Variants in AARS2 observed in about 807,000 individuals in gnomAD.
The protein encoded by AARS2 is alanine--tRNA ligase, mitochondrial.
In AARS2, 78 loss-of-function variants were observed where a neutral mutation model predicts 119.7. The ratio of observed to expected loss-of-function variants is 0.65; its 90% CI spans 0.54 to 0.79. The LOEUF is 0.79. Ranked by LOEUF, AARS2 falls within the 30% of genes least tolerant of loss-of-function variation. The pLI is 0.00. For synonymous variants in AARS2, 502 were observed against 526.3 expected (o/e 0.95, Z 0.63); for missense variants, 1,157 against 1,291.3 (o/e 0.90, Z 1.59).
intron 16 of AARS2, 47 bp downstream of exon 16, chr6:44,303,018 GC>G (rs759449104): frequency 1.2e-6 from 2 of 1,609,492 alleles, no homozygotes; most frequent in East Asian, 4.5e-5. Context: ...CAAGGGAAGG[GC>G]AAGGATCCGG....
At chr6:44,310,968 C>T (rs1207987195) in intron 4 of AARS2, 26 bp downstream of exon 4, 1 of 1,613,624 alleles carries the variant, frequency 6.2e-7, no homozygotes, top group Admixed American at 1.7e-5. Flanking sequence ...GTCAGGGATT[C>T]TCATCCTGCT....
At chr6:44,312,495 A>G (rs2153357772) in intron 1 of AARS2, among the ~76,000 whole-genome samples, 1 of 152,318 alleles carries the variant, frequency 6.6e-6, no homozygotes, top group Middle Eastern at 3.4e-3. Flanking sequence ...CCCTCTGCCT[A>G]GTAAAATAGG....
Position 44,307,593 on chromosome 6 carries a change from C to T in AARS2, c.895-199G>A, listed in dbSNP as rs1236127954. ...CTCACGGGGCTCATATTTGGTGCTA[C>T]AAGTGAACATATCTGTGACCATTTA... On this transcript the variant is annotated intron_variant, in intron 5 of 21. Transcript: ENST00000244571. This position sits in a 1 kb window ranked among gnomAD's most constrained non-coding sequence, Gnocchi z 4.4. The T allele has an allele frequency of 1.4e-5, 9 of 649,594 alleles. No individual in the cohort carries two copies. The highest frequency in any genetic ancestry group is 1.9e-5 in the Non-Finnish European group (7 of 377,456). The allele number at this position is 649,594 out of a possible 1,614,324, so 40.2% of individuals were successfully genotyped here.
Position 44,304,330 on chromosome 6 carries a change from C to T in AARS2, c.1867-9G>A. ...CAGCCTAGACGCCAGGCCTGAAATA[C>T]TTTTGTCACCCAGCGTCCTGGGTGA... On this transcript the variant is annotated splice_polypyrimidine_tract_variant and intron_variant, in intron 13 of 21. Transcript: ENST00000244571. 7 of 1,614,168 alleles carry T rather than the reference C, an allele frequency of 4.3e-6. 1 individual carries two copies. The East Asian group carries it at 6.7e-5, about 15-fold the overall frequency.
Position 44,303,027 on chromosome 6 carries a change from C to T in AARS2, c.2255+39G>A, listed in dbSNP as rs79389653. 2,723 of 1,611,444 alleles carry T rather than the reference C, an allele frequency of 1.7e-3. 50 individuals carry two copies. The African/African-American group carries it at 0.031, about 19-fold the overall frequency. On this transcript the variant is annotated intron_variant, in intron 16 of 21. Coordinates refer to ENST00000244571, the MANE Select transcript of AARS2 (RefSeq NM_020745.4). ...AAAGACCAAGGGAAGGGCAAGGATC[C>T]GGGGCCCCTGGGCCAGGCAGCACAA...
At chr6:44,304,601 T>G in intron 12 of AARS2, 44 bp downstream of exon 12, 1 of 1,614,104 alleles carries the variant, frequency 6.2e-7, no homozygotes, top group Non-Finnish European at 8.5e-7. Context: ...CAGGCTTGGG[T>G]CTGCCGCCCA....
chr6:44,301,469 G>C lies in AARS2; in HGVS notation c.2599-5C>G, dbSNP rs762588238. 1 of 1,611,586 alleles carries C rather than the reference G, an allele frequency of 6.2e-7. No homozygotes were observed. Among genetic ancestry groups the C allele is most frequent in the African/African-American group, 1.3e-5 (1 of 74,984 alleles). On this transcript the variant is annotated splice_polypyrimidine_tract_variant and splice_region_variant and intron_variant, in intron 19 of 21. Transcript: ENST00000244571. ...CTCCTGAGTTTTCTTTGCAGCCTAT[G>C]GGGCAGGAAGGACAAGCAGAGGGGT...
chr6:44,308,732 T>C (rs1052552906), intron 5 of AARS2, among the ~76,000 whole-genome samples: 3 of 152,118 alleles, frequency 2.0e-5, no homozygotes, highest in Admixed American at 1.3e-4. Flanking sequence ...CCCAAGTGGC[T>C]GGGACTACAG....
rs1438220382 is a variant in AARS2, at chr6:44,302,943, G to A, written c.2256-33C>T. The A allele has an allele frequency of 1.9e-6, 3 of 1,608,572 alleles. No homozygotes were observed. The African/African-American group carries it at 4.0e-5, about 22-fold the overall frequency. On this transcript the variant is annotated intron_variant, in intron 16 of 21. Coordinates refer to ENST00000244571, the MANE Select transcript of AARS2 (RefSeq NM_020745.4). Reference sequence around the variant, plus strand: ...AGGAAGGAGTGAACAGAAAGTCGGGGCATGACAGTAGAGAAGGGAGAAGCC... The same window carrying A: ...AGGAAGGAGTGAACAGAAAGTCGGGACATGACAGTAGAGAAGGGAGAAGCC...
Position 44,300,550 on chromosome 6 carries a change from G to C in AARS2, c.2955C>G (p.Leu985=), listed in dbSNP as rs1286089572. Residue 985 remains leucine, a synonymous_variant, in exon 22 of 22, where the codon CTC becomes CTG. Transcript: ENST00000244571. ...TGGGTCCCTGGGCGGACCTGGGTCA[G>C]AGCTGGCTGAGGGCATAGGTTTGGG... The part of the protein sequence containing the change: ...SIAQTYALSQ[L] The C allele has an allele frequency of 6.2e-7, 1 of 1,613,922 alleles. No homozygotes were observed. The highest frequency in any genetic ancestry group is 1.7e-5 in the Admixed American group (1 of 60,014).
intron 7 of AARS2, 79 bp downstream of exon 7, chr6:44,306,844 G>A (rs1393713637): frequency 2.9e-6 from 4 of 1,366,802 alleles, no homozygotes; most frequent in Non-Finnish European, 3.1e-6. Flanking sequence ...ACCCAGGCTG[G>A]GGGCACTGTC....
intron 4 of AARS2, 99 bp from the exon 5 acceptor site, chr6:44,310,542 G>A: frequency 6.7e-7 from 1 of 1,495,082 alleles, no homozygotes; most frequent in Non-Finnish European, 9.2e-7. Context: ...GCCCAAGGGA[G>A]CTGACAGTGG....
Position 44,313,095 on chromosome 6 carries a change from C to T in AARS2, c.229G>A (p.Ala77Thr). The T allele has an allele frequency of 1.2e-6, 2 of 1,613,538 alleles. No individual in the cohort carries two copies. The highest frequency in any genetic ancestry group is 1.7e-6 in the Non-Finnish European group (2 of 1,179,950). ...TCGGCCCTCACCTGGTTCATGCCCGCATTGACAAAAAGCAAACTGGGGTCG... is the reference window on the plus strand; with the variant it reads ...TCGGCCCTCACCTGGTTCATGCCCGTATTGACAAAAAGCAAACTGGGGTCG... ...RGDPSLLFVN[A>T]GMNQFKPIFL... Residue 77 changes from alanine to threonine, a missense_variant, in exon 1 of 22, where the codon GCG becomes ACG. Transcript: ENST00000244571.
Position 44,313,208 on chromosome 6 carries a change from G to GC in AARS2, c.115dup (p.Ala39GlyfsTer78), listed in dbSNP as rs971969514. 3.7e-6 allele frequency: 6 copies of GC among 1,607,794 alleles called. No individual in the cohort carries two copies. The African/African-American group carries it at 8.0e-5, about 21-fold the overall frequency. On this transcript the variant is annotated frameshift_variant, in exon 1 of 22. Coordinates refer to ENST00000244571, the MANE Select transcript of AARS2 (RefSeq NM_020745.4). LOFTEE classifies it high-confidence loss of function. ...CAGAAAGGCGGCCCTCACGGCCGAG[G>GC]CCTTGGCTGCAGGGGGCTCCGATGA...
At chr6:44,309,965 C>T (rs775596876) in intron 5 of AARS2, among the ~76,000 whole-genome samples, 1 of 152,214 alleles carries the variant, frequency 6.6e-6, no homozygotes, top group African/African-American at 2.4e-5. Flanking sequence ...TTCTTTAACA[C>T]ATTTATTGAT....
chr6:44,304,173 G>A lies in AARS2; in HGVS notation c.2007+8C>T, dbSNP rs150125794. On this transcript the variant is annotated splice_region_variant and intron_variant, in intron 14 of 21. Transcript: ENST00000244571. ...CACATGAAGCCTGTCTTTCTATGCC[G>A]GGCTCACCTGGGTGGTCACATCCAA... 1,715 of 1,613,042 alleles carry A rather than the reference G, an allele frequency of 1.1e-3. 13 individuals are homozygous for A. In the African/African-American group the frequency reaches 0.018, roughly 17 times the overall value.
In AARS2 at chr6:44,304,437, G is replaced by C. The variant is rs1296408190; in HGVS notation, c.1849C>G (p.Gln617Glu). 1 of 1,614,206 alleles carries C rather than the reference G, an allele frequency of 6.2e-7. No individual in the cohort carries two copies. The highest frequency in any genetic ancestry group is 1.7e-5 in the Admixed American group (1 of 60,022). The change falls in exon 13 of 22, where the codon CAG (glutamine) becomes GAG (glutamate). Residue 617 changes from glutamine to glutamate, a missense_variant. By Grantham distance (29) the Gln-to-Glu change is conservative. Coordinates refer to ENST00000244571, the MANE Select transcript of AARS2 (RefSeq NM_020745.4). Reference protein sequence around the residue: ...PECLRLGDQVQLHVDEAWRLG... With the variant: ...PECLRLGDQVELHVDEAWRLG... ...ATCCTTACCTCATCCACATGCAGCTGCACCTGGTCCCCTAACCGCAGGCAC... is the reference window on the plus strand; with the variant it reads ...ATCCTTACCTCATCCACATGCAGCTCCACCTGGTCCCCTAACCGCAGGCAC...
In AARS2 at chr6:44,312,088, C is replaced by A. The variant is rs770617671; in HGVS notation, c.419G>T (p.Gly140Val). 5 of 1,614,200 alleles carry A rather than the reference C, an allele frequency of 3.1e-6. No individual in the cohort carries two copies. The highest frequency in any genetic ancestry group is 2.2e-5 in the South Asian group (2 of 91,084). ...GAGACTCACCTTAAAATATTCACCC[C>A]CAAAGGCCCAATTGCCAAGCATTTC... is the stretch of plus-strand genomic sequence containing the variant. ...FFEMLGNWAF[G>V]GEYFKEEACN... The change falls in exon 2 of 22, where the codon GGG (glycine) becomes GTG (valine). Residue 140 changes from glycine (G) to valine (V), a missense_variant. Transcript: ENST00000244571.
chr6:44,300,965 T>G lies in AARS2; in HGVS notation c.2793+191A>C, dbSNP rs111611268. ...GAGGGGTTAGGAATTAAGGAATCTC[T>G]TGGTGCCTTCTGGGGTGGGGAGGGG... is the stretch of plus-strand genomic sequence containing the variant. On this transcript the variant is annotated intron_variant, in intron 21 of 21. Coordinates refer to ENST00000244571, the MANE Select transcript of AARS2 (RefSeq NM_020745.4). 1,267 of 714,920 alleles carry G rather than the reference T, an allele frequency of 1.8e-3. 13 individuals are homozygous for G. In the African/African-American group the frequency reaches 0.02, roughly 11 times the overall value. The allele number at this position is 714,920 out of a possible 1,614,324, so 44.3% of individuals were successfully genotyped here. A position where few individuals can be genotyped will look rare whatever the true frequency, so the allele number is the denominator to read the frequency against.
Sources: allele counts gnomAD v4.1 joint callset (sites outside exome capture counted in the v4.1 genomes callset), GRCh38; gene constraint gnomAD v4.1.1; non-coding constraint Gnocchi (gnomAD v3.1); transcripts MANE v1.5; gene names NCBI Gene and HGNC (gene_info 2026-07-23, HGNC 2026-07-21).